Variants in TNFSF4 observed in about 807,000 individuals in gnomAD.
TNFSF4 encodes TNF superfamily member 4.
In TNFSF4, 4 loss-of-function variants were observed where a neutral mutation model predicts 7.3. The ratio of observed to expected loss-of-function variants is 0.55; its 90% CI spans 0.27 to 1.25. TNFSF4 has a LOEUF of 1.25. TNFSF4 is among the 50% of genes most tolerant of loss of function. The probability of loss-of-function intolerance (pLI) is 0.12; values close to 1 mark genes in which losing one functional copy is unlikely to be tolerated. For missense variants in TNFSF4, 181 were observed against 208.8 expected (o/e 0.87, Z 0.82); for synonymous variants, 76 against 83.7 (o/e 0.91, Z 0.50).
the TNFSF4 span, among the ~76,000 whole-genome samples, chr1:173,302,762 T>C: frequency 1.4e-5 from 2 of 145,414 alleles, no homozygotes; most frequent in African/African-American, 5.1e-5. Flanking sequence ...TTTTTTTTTT[T>C]CCATTTTTAG....
the TNFSF4 span, chr1:173,175,425 GCC>G: frequency 6.6e-6 from 1 of 152,076 alleles, no homozygotes; most frequent in Non-Finnish European, 1.5e-5. Context: ...TTTGTTATAG[GCC>G]CTCAAATTTA....
the TNFSF4 span, among the ~76,000 whole-genome samples, chr1:173,285,927 C>T: frequency 3.3e-5 from 5 of 152,134 alleles, no homozygotes; most frequent in African/African-American, 4.8e-5. Context: ...GACTGCATGA[C>T]CTGCAAACTT....
the TNFSF4 span, among the ~76,000 whole-genome samples, chr1:173,337,566 T>C: frequency 6.6e-6 from 1 of 152,210 alleles, no homozygotes; most frequent in South Asian, 2.1e-4. Context: ...CAGACAGGTC[T>C]ATATAATGTT....
At chr1:173,382,680 T>C in the TNFSF4 span, among the ~76,000 whole-genome samples, 1 of 152,068 alleles carries the variant, frequency 6.6e-6, no homozygotes. Flanking sequence ...CTTGACTGAT[T>C]CCTATTCTTT....
chr1:173,191,500 T>C (rs1649475994), intron 1 of TNFSF4, among the ~76,000 whole-genome samples: 2 of 152,194 alleles, frequency 1.3e-5, no homozygotes, highest in African/African-American at 2.4e-5. Context: ...ACTACCCCAG[T>C]GCCCAGAGAC....
the TNFSF4 span, among the ~76,000 whole-genome samples, chr1:173,403,165 T>G: frequency 6.6e-6 from 1 of 152,294 alleles, no homozygotes; most frequent in East Asian, 1.9e-4. Flanking sequence ...GAATTTGCAT[T>G]GCTAACAAGT....
At chr1:173,422,175 G>A in the TNFSF4 span, among the ~76,000 whole-genome samples, 1 of 152,140 alleles carries the variant, frequency 6.6e-6, no homozygotes, top group Non-Finnish European at 1.5e-5. Flanking sequence ...TAAGTGCTCA[G>A]TAGATGTGAG....
At chr1:173,223,693 C>T in the TNFSF4 span, among the ~76,000 whole-genome samples, 9 of 152,142 alleles carry the variant, frequency 5.9e-5, no homozygotes, top group African/African-American at 2.2e-4. Context: ...CTTTGTTGCC[C>T]TGTCTTCCTT....
the TNFSF4 span, among the ~76,000 whole-genome samples, chr1:173,330,144 G>T: frequency 6.6e-6 from 1 of 152,068 alleles, no homozygotes; most frequent in Non-Finnish European, 1.5e-5. Flanking sequence ...TCCTCAAATA[G>T]CAACCCACTT....
chr1:173,188,406 A>T, intron 2 of TNFSF4, 115 bp downstream of exon 2: 1 of 818,080 alleles, frequency 1.2e-6, no homozygotes, highest in Non-Finnish European at 2.0e-6. Flanking sequence ...ATTTAATTGG[A>T]ATTTAATTCC....
At chr1:173,319,235 T>C in the TNFSF4 span, among the ~76,000 whole-genome samples, 1 of 152,200 alleles carries the variant, frequency 6.6e-6, no homozygotes. Flanking sequence ...AGGTTTGGAC[T>C]GGGCCGAATT....
At chr1:173,300,151 T>G in the TNFSF4 span, among the ~76,000 whole-genome samples, 1 of 137,640 alleles carries the variant, frequency 7.3e-6, no homozygotes, top group South Asian at 2.3e-4. Flanking sequence ...AATAAATAGA[T>G]GATTGATAGA....
chr1:173,280,782 T>C, the TNFSF4 span, among the ~76,000 whole-genome samples: 1 of 152,162 alleles, frequency 6.6e-6, no homozygotes, highest in Non-Finnish European at 1.5e-5. Context: ...CCAGATCTCA[T>C]TGACTGGTGT....
chr1:173,429,109 C>T, the TNFSF4 span, among the ~76,000 whole-genome samples: 4 of 152,006 alleles, frequency 2.6e-5, no homozygotes, highest in African/African-American at 9.7e-5. Flanking sequence ...CCACATGCTG[C>T]TAATTGTTAA....
chr1:173,196,604 G>C (rs1461084740), intron 1 of TNFSF4, among the ~76,000 whole-genome samples: 1 of 152,178 alleles, frequency 6.6e-6, no homozygotes, highest in Non-Finnish European at 1.5e-5. Flanking sequence ...AGCATGAACT[G>C]TGGTTTTATT....
chr1:173,178,309 C>T, the TNFSF4 span, among the ~76,000 whole-genome samples: 4 of 152,312 alleles, frequency 2.6e-5, no homozygotes, highest in Admixed American at 6.5e-5. Flanking sequence ...GGCGCGGTGG[C>T]TCACCCCTGT....
the TNFSF4 span, among the ~76,000 whole-genome samples, chr1:173,340,224 C>A: frequency 6.6e-6 from 1 of 151,978 alleles, no homozygotes; most frequent in South Asian, 2.1e-4. Context: ...TGGGACTACA[C>A]CATCAGCTCT....
the TNFSF4 span, among the ~76,000 whole-genome samples, chr1:173,234,391 T>A: frequency 6.6e-6 from 1 of 152,106 alleles, no homozygotes; most frequent in East Asian, 1.9e-4. Context: ...ACATTGTGAT[T>A]CCTCAAGGAT....
At chr1:173,414,799 G>A in the TNFSF4 span, among the ~76,000 whole-genome samples, 2 of 152,174 alleles carry the variant, frequency 1.3e-5, no homozygotes, top group African/African-American at 2.4e-5. Context: ...TCACTGCCTC[G>A]TAGCAGCTTG....
Sources: gnomAD v4.1 joint callset for allele counts (sites outside exome capture counted in the v4.1 genomes callset) on GRCh38, gnomAD v4.1.1 for gene constraint, MANE v1.5 for transcripts, NCBI Gene and HGNC (gene_info 2026-07-23, HGNC 2026-07-21) for gene names.